The following DHX36 variants were observed in gnomAD, a reference collection of about 807,000 sequenced individuals.
The protein encoded by DHX36 is DEAH-box helicase 36, also known as ATP-dependent DNA/RNA helicase DHX36.
Under a neutral mutation model 139.0 loss-of-function variants are expected in DHX36, and 50 were observed. The observed-to-expected ratio is 0.36, with a 90% CI of 0.29 to 0.46. The LOEUF (loss-of-function observed/expected upper bound fraction) is 0.46. DHX36 is among the 20% of genes least tolerant of loss of function. The pLI is 1.00. For missense variants in DHX36, 1,024 were observed against 1,211.3 expected (o/e 0.85, Z 2.29); for synonymous variants, 425 against 401.9 (o/e 1.06, Z -0.69).
rs1473742155 is a variant in DHX36, at chr3:154,275,679, A to G, written c.*492T>C. 1 of 152,686 alleles carries G rather than the reference A, an allele frequency of 6.5e-6. No homozygotes were observed. Among genetic ancestry groups the G allele is most frequent in the Non-Finnish European group, 1.5e-5 (1 of 68,046 alleles). 9.5% of individuals were successfully genotyped at this position (152,686 alleles called of 1,614,324 possible). On this transcript the variant is annotated 3_prime_UTR_variant, in exon 25 of 25. Coordinates refer to ENST00000496811, the MANE Select transcript of DHX36 (RefSeq NM_020865.3). Reference sequence around the variant, plus strand: ...TCCAAGAGGTTGGCTGAGATTTAACATTGTACATTTTATTAAATACTGGAC... The same window carrying G: ...TCCAAGAGGTTGGCTGAGATTTAACGTTGTACATTTTATTAAATACTGGAC...
Position 154,314,165 on chromosome 3 carries a change from C to G in DHX36, c.603+881G>C, listed in dbSNP as rs532051869. Among the ~76,000 whole-genome samples, 3 of 152,254 alleles carry G rather than the reference C, an allele frequency of 2.0e-5. No individual in the cohort carries two copies. In the East Asian group the frequency reaches 5.8e-4, roughly 29 times the overall value. On this transcript the variant is annotated intron_variant, in intron 3 of 24. Transcript: ENST00000496811. ...CCAGAAGATTCTCAATTAATTCATC[C>G]TGAAATTTCCTCCATTTTCAAATCA...
chr3:154,310,852 TGTATATAC>T (rs1459237917), intron 4 of DHX36, among the ~76,000 whole-genome samples: 2 of 102,754 alleles, frequency 1.9e-5, no homozygotes, highest in African/African-American at 7.6e-5. Flanking sequence ...TATATATATA[TGTATATAC>T]ATATATATAT....
chr3:154,291,973 T>C (rs1245141146), intron 15 of DHX36, among the ~76,000 whole-genome samples: 3 of 152,238 alleles, frequency 2.0e-5, no homozygotes, highest in Admixed American at 6.5e-5. Flanking sequence ...ACTTTCCTTG[T>C]GCTTTCATTG....
At chr3:154,289,947 T>C (rs1432183400) in intron 15 of DHX36, 121 bp from the exon 16 acceptor site, 4 of 593,802 alleles carry the variant, frequency 6.7e-6, no homozygotes, top group African/African-American at 1.9e-5. Context: ...TGCCACATAA[T>C]AGCTAATGTA....
intron 3 of DHX36, among the ~76,000 whole-genome samples, chr3:154,314,325 G>C (rs1260362785): frequency 6.6e-6 from 1 of 152,170 alleles, no homozygotes; most frequent in African/African-American, 2.4e-5. Context: ...AGGAAATTCA[G>C]CTTTCATCAG....
At chr3:154,291,069 A>T (rs971147964) in intron 15 of DHX36, among the ~76,000 whole-genome samples, 7 of 126,684 alleles carry the variant, frequency 5.5e-5, no homozygotes, top group Non-Finnish European at 9.5e-5. Context: ...CGGGAGGCGG[A>T]GCTTGCAGTG....
Position 154,284,886 on chromosome 3 carries a change from C to T in DHX36, c.2133G>A (p.Leu711=), listed in dbSNP as rs1173066218. 6.2e-7 allele frequency: 1 copy of T among 1,613,994 alleles called. No homozygotes were observed. The highest frequency in any genetic ancestry group is 1.3e-5 in the African/African-American group (1 of 74,896). Residue 711 remains leucine, a synonymous_variant, in exon 18 of 25, where the codon CTG becomes CTA. Coordinates refer to ENST00000496811, the MANE Select transcript of DHX36 (RefSeq NM_020865.3). ...HIGKMILFGA[L]FCCLDPVLTI... ...TGAGTACTGGGTCTAAGCAGCAGAA[C>T]AGTGCTCCAAAAAGAATCATTTTTC...
rs1712921500 is a variant in DHX36, at chr3:154,315,178, G to C, written c.471C>G (p.Ile157Met). ...CTCGGTCAATATATGATCTGTTCCT[G>C]ATTCTAAACATTTTTTTTTCTTGAT... is the stretch of plus-strand genomic sequence containing the variant. Reference protein sequence around the residue: ...LINQEKKMFRIRNRSYIDRDS... With the variant: ...LINQEKKMFRMRNRSYIDRDS... Residue 157 changes from isoleucine to methionine, a missense_variant, in exon 3 of 25, where the codon ATC (isoleucine) becomes ATG (methionine). Physicochemically the swap from Ile to Met is conservative, Grantham distance 10. This residue lies in a region of DHX36 where 293 missense variants were observed against 274.4 expected (regional missense o/e 1.07). Transcript: ENST00000496811. 6.2e-7 allele frequency: 1 copy of C among 1,613,166 alleles called. No homozygotes were observed. Among genetic ancestry groups the C allele is most frequent in the African/African-American group, 1.3e-5 (1 of 74,938 alleles).
At chr3:154,300,444 ATCT>A in intron 11 of DHX36, 147 bp downstream of exon 11, 1 of 647,488 alleles carries the variant, frequency 1.5e-6, no homozygotes, top group Non-Finnish European at 2.7e-6. Flanking sequence ...AAATGCCTAA[ATCT>A]TTTGCTACTA....
In DHX36 at chr3:154,303,310, T is replaced by C. The variant is rs749618425; in HGVS notation, c.1217+19A>G. Reference sequence around the variant, plus strand: ...TATTAGTACTTTTTAATGTTTTTTATTTCCTAATGTTTACTTACCTTATTT... The same window carrying C: ...TATTAGTACTTTTTAATGTTTTTTACTTCCTAATGTTTACTTACCTTATTT... On this transcript the variant is annotated intron_variant, in intron 9 of 24. Coordinates refer to ENST00000496811, the MANE Select transcript of DHX36 (RefSeq NM_020865.3). 6.5e-6 allele frequency: 10 copies of C among 1,530,888 alleles called. No homozygotes were observed. The South Asian group carries it at 1.1e-4, about 17-fold the overall frequency. 94.8% of individuals were successfully genotyped at this position (1,530,888 alleles called of 1,614,324 possible).
At chr3:154,306,442 A>G (rs1163131746) in intron 5 of DHX36, 147 bp from the exon 6 acceptor site, 2 of 657,360 alleles carry the variant, frequency 3.0e-6, no homozygotes, top group Non-Finnish European at 5.1e-6. Context: ...GAGGTATCTA[A>G]AACAGTGTGT....
At chr3:154,280,296 T>C (rs571007233) in intron 22 of DHX36, 1 of 291,248 alleles carries the variant, frequency 3.4e-6, no homozygotes, top group African/African-American at 2.2e-5. Context: ...ATCCAGCCAC[T>C]GGTATTTACT....
chr3:154,324,272 C>A lies in DHX36; in HGVS notation c.145G>T (p.Gly49Cys), dbSNP rs1345725102. ...AGGTGCCCGGGATGCCGGCCCCTGC[C>A]GCCTCGACCACCCCCTCCGCCGCCG... ...GGGGGGGGRGGRGRHPGHLKG... is the reference protein window; with the variant it reads ...GGGGGGGGRGCRGRHPGHLKG... The change falls in exon 1 of 25, where the codon GGC becomes TGC. Residue 49 changes from glycine to cysteine, a missense_variant. Physicochemically the swap from Gly to Cys is radical, Grantham distance 159 (BLOSUM62 -3). This residue lies in a region of DHX36 where 293 missense variants were observed against 274.4 expected (regional missense o/e 1.07). Coordinates refer to ENST00000496811, the MANE Select transcript of DHX36 (RefSeq NM_020865.3). The A allele has an allele frequency of 6.2e-7, 1 of 1,613,568 alleles. No individual in the cohort carries two copies. Among genetic ancestry groups the A allele is most frequent in the Non-Finnish European group, 8.5e-7 (1 of 1,179,750 alleles).
chr3:154,314,988 C>A, intron 3 of DHX36, 58 bp downstream of exon 3: 1 of 1,226,812 alleles, frequency 8.2e-7, no homozygotes, highest in Non-Finnish European at 1.2e-6. Flanking sequence ...ACCATACATA[C>A]ATTTTTATAA....
chr3:154,323,790 T>C (rs1713291947), intron 1 of DHX36, among the ~76,000 whole-genome samples: 1 of 152,196 alleles, frequency 6.6e-6, no homozygotes, highest in South Asian at 2.1e-4. Flanking sequence ...GGTCGCTATG[T>C]GCTTCTTCAC....
intron 23 of DHX36, 53 bp from the exon 24 acceptor site, chr3:154,276,952 T>A: frequency 6.7e-7 from 1 of 1,487,388 alleles, no homozygotes; most frequent in Non-Finnish European, 9.1e-7. Flanking sequence ...AAAAGATTAC[T>A]ATATAAATTC....
chr3:154,284,803 A>T lies in DHX36; in HGVS notation c.2205+11T>A, dbSNP rs1401836131. 6.2e-7 allele frequency: 1 copy of T among 1,611,916 alleles called. No homozygotes were observed. The highest frequency in any genetic ancestry group is 1.7e-5 in the Admixed American group (1 of 59,674). On this transcript the variant is annotated intron_variant, in intron 18 of 24. Transcript: ENST00000496811. ...TCTAAAATAACTCGGTTTTATTTCC[A>T]TTTTTCTTACCAGTGGAATGACAAA... is the stretch of plus-strand genomic sequence containing the variant.
intron 5 of DHX36, among the ~76,000 whole-genome samples, chr3:154,306,968 G>T (rs1712527108): frequency 6.6e-6 from 1 of 151,914 alleles, no homozygotes. Context: ...GTGGAAAAAA[G>T]AAGAGAAAAA....
intron 20 of DHX36, among the ~76,000 whole-genome samples, chr3:154,282,897 G>A (rs1719374045): frequency 6.6e-6 from 1 of 152,096 alleles, no homozygotes; most frequent in African/African-American, 2.4e-5. Context: ...GATTTTAGTA[G>A]TGTTAGCAAA....
Sources: allele counts gnomAD v4.1 joint callset (sites outside exome capture counted in the v4.1 genomes callset), GRCh38; gene constraint gnomAD v4.1.1; regional missense constraint gnomAD v4.1.1; transcripts MANE v1.5; gene names NCBI Gene and HGNC (gene_info 2026-07-23, HGNC 2026-07-21).